UGT2B28: variants seen among roughly 807,000 people sequenced by gnomAD.
UGT2B28 encodes UDP-glucuronosyltransferase 2B28.
Under a neutral mutation model 43.6 loss-of-function variants are expected in UGT2B28, and 45 were observed. The ratio of observed to expected loss-of-function variants is 1.03; its 90% CI spans 0.81 to 1.32. The LOEUF is 1.32. Ranked by LOEUF, UGT2B28 falls within the 40% of genes most tolerant of loss-of-function variation. The probability of loss-of-function intolerance (pLI) is 0.00; values close to 1 mark genes in which losing one functional copy is unlikely to be tolerated. For missense variants in UGT2B28, 649 were observed against 625.5 expected, an observed-to-expected ratio of 1.04 and a Z score of -0.40; for synonymous variants, 204 against 208.1, an observed-to-expected ratio of 0.98 and a Z score of 0.17.
chr4:69,289,197 A>G (rs1333443588), intron 3 of UGT2B28, among the ~76,000 whole-genome samples: 1 of 139,780 alleles, frequency 7.2e-6, no homozygotes, highest in East Asian at 2.0e-4. Context: ...ACTAACTTAC[A>G]TTCCAACCAA....
At chr4:69,288,540 A>G (rs368838843) in intron 3 of UGT2B28, among the ~76,000 whole-genome samples, 1 of 139,746 alleles carries the variant, frequency 7.2e-6, no homozygotes, top group Non-Finnish European at 1.5e-5. Flanking sequence ...ATGACTCCAT[A>G]TAATTTTTTA....
intron 5 of UGT2B28, among the ~76,000 whole-genome samples, chr4:69,291,359 G>A (rs1336763630): frequency 7.1e-6 from 1 of 140,072 alleles, no homozygotes; most frequent in Non-Finnish European, 1.5e-5. Context: ...CAACACAAAA[G>A]AAACTGCAAT....
In UGT2B28 at chr4:69,293,647, C is replaced by G. The variant is rs1333359596; in HGVS notation, c.1311-883C>G. Among the ~76,000 whole-genome samples the G allele has an allele frequency of 3.8e-4, 53 of 139,336 alleles. 11 individuals carry two copies. Among genetic ancestry groups the G allele is most frequent in the African/African-American group, 1.4e-3 (49 of 35,614 alleles). 91.4% of individuals were successfully genotyped at this position (139,336 alleles called of 152,430 possible). On this transcript the variant is annotated intron_variant, in intron 5 of 5. Coordinates refer to ENST00000335568, the MANE Select transcript of UGT2B28 (RefSeq NM_053039.2). The stretch of plus-strand genomic sequence containing the variant: ...TACTCCAAGAGCAGGAGAGAAGGAA[C>G]AAAATGTGTAAAGTGCTAAGATGAG...
rs1392220652 is a variant in UGT2B28 at position 69,292,295 on chromosome 4, C to A, written c.1310+1484C>A. 3.6e-5 allele frequency among the ~76,000 whole-genome samples: 5 copies of A among 139,658 alleles called. 1 individual carries two copies. The East Asian group carries it at 8.2e-4, about 23-fold the overall frequency. The allele number at this position is 139,658 out of a possible 152,430, so 91.6% of individuals were successfully genotyped here. A position where few individuals can be genotyped will look rare whatever the true frequency, so the allele number is the denominator to read the frequency against. ...TGCGGAGTCCAGCTACCATCAATTC[C>A]ACATTTATAACTACTCTCAATAAAG... On this transcript the variant is annotated intron_variant, in intron 5 of 5. Coordinates refer to ENST00000335568, the MANE Select transcript of UGT2B28 (RefSeq NM_053039.2).
rs13146763 is a variant in UGT2B28 at position 69,283,493 on chromosome 4, T to G, written c.870+831T>G. 3.6e-5 allele frequency among the ~76,000 whole-genome samples: 5 copies of G among 138,410 alleles called. No homozygotes were observed. The Admixed American group carries it at 3.6e-4, about 10-fold the overall frequency. 90.8% of individuals were successfully genotyped at this position (138,410 alleles called of 152,430 possible). On this transcript the variant is annotated intron_variant, in intron 2 of 5. Transcript: ENST00000335568. ...GCCACACTGTAAAGAGCCAACCATT[T>G]AGGAAATTTTCCATGGATTCAGGTA...
rs1206925749 is a variant in UGT2B28 at position 69,286,514 on chromosome 4, C to G, written c.871-238C>G. On this transcript the variant is annotated intron_variant, in intron 2 of 5. Transcript: ENST00000335568. ...AGCTCCATTTCTTTTCTCCATTACA[C>G]ACATGCAGACACATACCTACATAAA... Among the ~76,000 whole-genome samples the G allele has an allele frequency of 5.0e-5, 7 of 140,504 alleles. 2 individuals are homozygous for G. Among genetic ancestry groups the G allele is most frequent in the African/African-American group, 1.9e-4 (7 of 35,948 alleles). The allele number at this position is 140,504 out of a possible 152,430, so 92.2% of individuals were successfully genotyped here. A position where few individuals can be genotyped will look rare whatever the true frequency, so the allele number is the denominator to read the frequency against.
chr4:69,290,523 T>A, intron 4 of UGT2B28, 69 bp from the exon 5 acceptor site: 1 of 1,517,274 alleles, frequency 6.6e-7, no homozygotes, highest in Non-Finnish European at 8.9e-7. Context: ...ACTGTCACTT[T>A]CAGAGCATTT....
rs759063192 is a variant in UGT2B28 at position 69,286,866 on chromosome 4, G to T, written c.985G>T (p.Ala329Ser). 1 of 1,555,582 alleles carries T rather than the reference G, an allele frequency of 6.4e-7. No homozygotes were observed. ...ERANVIATALAKIPQKVLWRF... is the reference protein window; with the variant it reads ...ERANVIATALSKIPQKVLWRF... The stretch of plus-strand genomic sequence containing the variant: ...GGCCAACGTAATTGCAACAGCCCTT[G>T]CCAAGATCCCACAAAAGGTAAGATA... Residue 329 changes from alanine to serine, a missense_variant, in exon 3 of 6, where the codon GCC (alanine) becomes TCC (serine). Transcript: ENST00000335568.
chr4:69,286,616 A>C (rs1367619767), intron 2 of UGT2B28, 136 bp from the exon 3 acceptor site: 2 of 1,252,794 alleles, frequency 1.6e-6, no homozygotes, highest in African/African-American at 3.6e-5. Context: ...TGAGTGATTG[A>C]GTCAGTTAAA....
rs1341215117 is a variant in UGT2B28 at position 69,285,637 on chromosome 4, C to T, written c.871-1115C>T. 2.1e-5 allele frequency among the ~76,000 whole-genome samples: 3 copies of T among 141,352 alleles called. 1 individual carries two copies. The highest frequency in any genetic ancestry group is 2.0e-4 in the East Asian group (1 of 4,956). The allele number at this position is 141,352 out of a possible 152,430, so 92.7% of individuals were successfully genotyped here. ...GCTCTGCCATACGTGGTGCACTGTT[C>T]ACATTTAGACATTTTTTTCTTTGTT... On this transcript the variant is annotated intron_variant, in intron 2 of 5. Transcript: ENST00000335568.
Position 69,286,822 on chromosome 4 carries a change from G to T in UGT2B28, c.941G>T (p.Ser314Ile). Reference sequence around the variant, plus strand: ...GTGTTTTCTCTGGGGTCAGTGATAAGTAACATGACAGCAGAAAGGGCCAAC... The same window carrying T: ...GTGTTTTCTCTGGGGTCAGTGATAATTAACATGACAGCAGAAAGGGCCAAC... ...VVVFSLGSVI[S>I]NMTAERANVI... The change falls in exon 3 of 6, where the codon AGT becomes ATT. Residue 314 changes from serine (S) to isoleucine (I), a missense_variant. By Grantham distance (142) the Ser-to-Ile change is moderately radical. Transcript: ENST00000335568. 2.6e-6 allele frequency: 4 copies of T among 1,557,014 alleles called. No individual in the cohort carries two copies. Among genetic ancestry groups the T allele is most frequent in the Non-Finnish European group, 1.7e-6 (2 of 1,154,636 alleles).
At position 69,286,580 on chromosome 4, in the gene UGT2B28, C is replaced by T. The variant is rs529498125; in HGVS notation, c.871-172C>T. Among the ~76,000 whole-genome samples, 130 of 139,912 alleles carry T rather than the reference C, an allele frequency of 9.3e-4. 20 individuals are homozygous for T. Among genetic ancestry groups the T allele is most frequent in the Non-Finnish European group, 7.5e-4 (49 of 65,666 alleles). The allele number at this position is 139,912 out of a possible 152,430, so 91.8% of individuals were successfully genotyped here. On this transcript the variant is annotated intron_variant, in intron 2 of 5. Coordinates refer to ENST00000335568, the MANE Select transcript of UGT2B28 (RefSeq NM_053039.2). ...AAATATCCTTAACAGAGGCCAACTA[C>T]CTCAAACATCTTCTTGTAAAGAACC...
chr4:69,293,307 T>C (rs1422810463), intron 5 of UGT2B28, among the ~76,000 whole-genome samples: 3 of 140,856 alleles, frequency 2.1e-5, no homozygotes, highest in Non-Finnish European at 4.6e-5. Flanking sequence ...TGTGATAGCC[T>C]ATACCACGAC....
chr4:69,288,870 C>G (rs952818031), intron 3 of UGT2B28, among the ~76,000 whole-genome samples: 1 of 140,324 alleles, frequency 7.1e-6, no homozygotes, highest in African/African-American at 2.8e-5. Flanking sequence ...CTGTTAGTTT[C>G]CTAAGGCTAA....
At chr4:69,284,274 G>A (rs1723705758) in intron 2 of UGT2B28, among the ~76,000 whole-genome samples, 1 of 139,974 alleles carries the variant, frequency 7.1e-6, no homozygotes, top group African/African-American at 2.8e-5. Context: ...AAAAAATTCT[G>A]TCAGCATATA....
intron 1 of UGT2B28, among the ~76,000 whole-genome samples, chr4:69,281,821 T>C (rs1221081955): frequency 1.4e-5 from 2 of 140,618 alleles, no homozygotes; most frequent in Admixed American, 1.4e-4. Context: ...AATTATCTTG[T>C]TGAAGTGTGA....
chr4:69,281,223 T>C lies in UGT2B28; in HGVS notation c.721+2T>C. 2 of 1,493,646 alleles carry C rather than the reference T, an allele frequency of 1.3e-6. 1 individual carries two copies. 92.5% of individuals were successfully genotyped at this position (1,493,646 alleles called of 1,614,324 possible). On this transcript the variant is annotated splice_donor_variant, in intron 1 of 5. Coordinates refer to ENST00000335568, the MANE Select transcript of UGT2B28 (RefSeq NM_053039.2). LOFTEE classifies it high-confidence loss of function. ...ATCAGTTTTACAGTGAAGTTTTAGG[T>C]AAGAATTTGTTTAATCGGGAACTTG...
intron 5 of UGT2B28, 63 bp from the exon 6 acceptor site, chr4:69,294,467 A>G (rs1265535094): frequency 2.9e-6 from 4 of 1,381,698 alleles, no homozygotes; most frequent in Non-Finnish European, 3.8e-6. Flanking sequence ...CCTTTCATAG[A>G]CTTGATACAT....
At chr4:69,291,386 C>T (rs1156561179) in intron 5 of UGT2B28, among the ~76,000 whole-genome samples, 1 of 140,530 alleles carries the variant, frequency 7.1e-6, no homozygotes, top group South Asian at 2.4e-4. Context: ...AAAATCACTT[C>T]TCATAACTGC....
Sources: gnomAD v4.1 joint callset for allele counts (sites outside exome capture counted in the v4.1 genomes callset) on GRCh38, gnomAD v4.1.1 for gene constraint, MANE v1.5 for transcripts, NCBI Gene and HGNC (gene_info 2026-07-23, HGNC 2026-07-21) for gene names.